TBCD: variants seen among roughly 807,000 people sequenced by gnomAD.
The protein encoded by TBCD is tubulin folding cofactor D.
In TBCD, 105 loss-of-function variants were observed where a neutral mutation model predicts 169.3. That is an observed-to-expected ratio of 0.62 (90% CI 0.53 to 0.73). The LOEUF (loss-of-function observed/expected upper bound fraction) is 0.73, where lower values mean the gene tolerates loss of function less well. TBCD is among the 30% of genes least tolerant of loss of function. The pLI is 0.00. For synonymous variants in TBCD, 700 were observed against 643.9 expected (o/e 1.09, Z -1.32); for missense variants, 1,444 against 1,600.1 (o/e 0.90, Z 1.66).
intron 13 of TBCD, among the ~76,000 whole-genome samples, chr17:82,847,359 A>G (rs1450087693): frequency 1.2e-4 from 17 of 147,102 alleles, no homozygotes; most frequent in African/African-American, 4.2e-4. Context: ...TGTCAAAGAA[A>G]AAAAAAAAAA....
At chr17:82,868,873 G>A (rs2057365241) in intron 13 of TBCD, among the ~76,000 whole-genome samples, 1 of 152,260 alleles carries the variant, frequency 6.6e-6, no homozygotes, top group Non-Finnish European at 1.5e-5. Context: ...TGATTGGTGG[G>A]TGTGAAGTGT....
chr17:82,769,876 C>CAAA (rs11348436), intron 5 of TBCD, among the ~76,000 whole-genome samples: 1 of 111,004 alleles, frequency 9.0e-6, no homozygotes, highest in Non-Finnish European at 2.0e-5. Flanking sequence ...GAGTCCATCT[C>CAAA]AAAAAAAAAA....
At chr17:82,786,284 TG>T (rs1243699966) in intron 7 of TBCD, among the ~76,000 whole-genome samples, 1 of 151,930 alleles carries the variant, frequency 6.6e-6, no homozygotes, top group African/African-American at 2.4e-5. Context: ...CTCAGTGCTG[TG>T]GGGGAAAAAC....
At chr17:82,828,628 A>T (rs1393242505) in intron 13 of TBCD, among the ~76,000 whole-genome samples, 2 of 151,388 alleles carry the variant, frequency 1.3e-5, no homozygotes, top group African/African-American at 4.9e-5. Flanking sequence ...ATGCACACCC[A>T]CACAATCGAA....
At chr17:82,814,685 T>TA (rs1476534288) in intron 12 of TBCD, among the ~76,000 whole-genome samples, 155 bp from the exon 13 acceptor site, 1 of 152,232 alleles carries the variant, frequency 6.6e-6, no homozygotes, top group Non-Finnish European at 1.5e-5. Context: ...CCAGCCTTGA[T>TA]ACTTTAAAAA....
chr17:82,913,995 A>C (rs1197423877), intron 23 of TBCD: 1 of 151,976 alleles, frequency 6.6e-6, no homozygotes, highest in Non-Finnish European at 1.5e-5. Context: ...GGAGAGGGGG[A>C]ATGTTGTGGG....
chr17:82,791,607 G>A (rs901726655), intron 7 of TBCD, among the ~76,000 whole-genome samples: 1 of 152,214 alleles, frequency 6.6e-6, no homozygotes, highest in Non-Finnish European at 1.5e-5. Flanking sequence ...TGCAGAATGA[G>A]CTCGGAATAG....
At chr17:82,773,656 A>T (rs1012840541) in intron 6 of TBCD, among the ~76,000 whole-genome samples, 1 of 151,582 alleles carries the variant, frequency 6.6e-6, no homozygotes, top group Non-Finnish European at 1.5e-5. Flanking sequence ...GGACCAGGAG[A>T]TGGGCCTGGT....
chr17:82,810,741 C>G (rs145798295), intron 12 of TBCD, among the ~76,000 whole-genome samples: 1 of 152,210 alleles, frequency 6.6e-6, no homozygotes. Context: ...CTCAGGACCC[C>G]GGGCGTGCTG....
At chr17:82,781,111 G>C (rs2048918071) in intron 6 of TBCD, among the ~76,000 whole-genome samples, 2 of 152,082 alleles carry the variant, frequency 1.3e-5, no homozygotes, top group Admixed American at 1.3e-4. Context: ...AAACAGGCCT[G>C]TGCACAAGAC....
chr17:82,857,772 A>T (rs1231660630), intron 13 of TBCD, among the ~76,000 whole-genome samples: 8 of 143,842 alleles, frequency 5.6e-5, no homozygotes, highest in East Asian at 2.0e-4. Flanking sequence ...AATTTAATTT[A>T]ATTTTTTTTT....
chr17:82,925,205 G>A, intron 27 of TBCD, 148 bp downstream of exon 27: 1 of 683,012 alleles, frequency 1.5e-6, no homozygotes, highest in Non-Finnish European at 2.4e-6. Flanking sequence ...CTGTGGCCAG[G>A]AGGAAGGGGG....
intron 13 of TBCD, among the ~76,000 whole-genome samples, chr17:82,819,284 A>G (rs2052204429): frequency 6.6e-6 from 1 of 152,206 alleles, no homozygotes; most frequent in Non-Finnish European, 1.5e-5. Flanking sequence ...TTCTGCCCTT[A>G]GTCCTCTGAA....
chr17:82,772,220 G>A (rs1256927115), intron 5 of TBCD, among the ~76,000 whole-genome samples: 3 of 152,212 alleles, frequency 2.0e-5, no homozygotes, highest in Non-Finnish European at 1.5e-5. Context: ...GTGACCAAAT[G>A]CTCTGTGTAG....
intron 9 of TBCD, among the ~76,000 whole-genome samples, chr17:82,801,584 G>GA (rs2050534743): frequency 7.5e-6 from 1 of 132,760 alleles, no homozygotes; most frequent in African/African-American, 2.9e-5. Flanking sequence ...CGTGTGGCTC[G>GA]GTCAGCGTGG....
chr17:82,830,176 AC>A, intron 13 of TBCD: 1 of 1,614,104 alleles, frequency 6.2e-7, no homozygotes, highest in East Asian at 2.2e-5. Flanking sequence ...TAGTGTGAAC[AC>A]TCTGGCCGTG....
At chr17:82,883,703 C>T (rs967465549) in intron 14 of TBCD, among the ~76,000 whole-genome samples, 4 of 152,216 alleles carry the variant, frequency 2.6e-5, no homozygotes, top group Non-Finnish European at 4.4e-5. Context: ...GCCCCTGCCC[C>T]GGGGCATTTG....
chr17:82,920,743 G>A lies in TBCD; in HGVS notation c.2101+125G>A, dbSNP rs900652558. 1.7e-5 allele frequency: 15 copies of A among 901,138 alleles called. No individual in the cohort carries two copies. The highest frequency in any genetic ancestry group is 1.5e-4 in the African/African-American group (9 of 58,754). 55.8% of individuals were successfully genotyped at this position (901,138 alleles called of 1,614,324 possible). A position where few individuals can be genotyped will look rare whatever the true frequency, so the allele number is the denominator to read the frequency against. ...AGCTTAAAGGTTCAAGATATTAATC[G>A]GATACGTTGCCTTGAAGTTGTTACA... is the stretch of plus-strand genomic sequence containing the variant. On this transcript the variant is annotated intron_variant, in intron 24 of 38. Coordinates refer to ENST00000355528, the MANE Select transcript of TBCD (RefSeq NM_005993.5). This position sits in a 1 kb window ranked among gnomAD's most constrained non-coding sequence, Gnocchi z 4.1.
chr17:82,930,684 C>A lies in TBCD; in HGVS notation c.3113+41C>A, dbSNP rs761683998. On this transcript the variant is annotated intron_variant, in intron 33 of 38. Coordinates refer to ENST00000355528, the MANE Select transcript of TBCD (RefSeq NM_005993.5). The surrounding 1 kb of genome is among the most constrained non-coding windows in gnomAD (Gnocchi z 5.2). ...TGGGGCCTCAGAGGCGTGAGTGGTG[C>A]TGGTGCCTCTCACCACGTTCCCACA... The A allele has an allele frequency of 6.2e-7, 1 of 1,612,724 alleles. No individual in the cohort carries two copies. The highest frequency in any genetic ancestry group is 8.5e-7 in the Non-Finnish European group (1 of 1,179,288).
Sources: allele counts gnomAD v4.1 joint callset (sites outside exome capture counted in the v4.1 genomes callset), GRCh38; gene constraint gnomAD v4.1.1; non-coding constraint Gnocchi (gnomAD v3.1); transcripts MANE v1.5; gene names NCBI Gene and HGNC (gene_info 2026-07-23, HGNC 2026-07-21).